SHISA9: variants seen among roughly 807,000 people sequenced by gnomAD.
SHISA9 encodes the protein shisa family member 9.
Under a neutral mutation model 38.0 loss-of-function variants are expected in SHISA9, and 13 were observed. The ratio of observed to expected loss-of-function variants is 0.34; its 90% CI spans 0.22 to 0.54. The LOEUF (loss-of-function observed/expected upper bound fraction) is 0.54, where lower values mean the gene tolerates loss of function less well. Among genes scored for constraint, SHISA9 ranks in the 20% least tolerant of loss-of-function variants. The pLI, the probability that SHISA9 is intolerant of heterozygous loss-of-function variation, is 0.91. For synonymous variants in SHISA9, 275 were observed against 242.0 expected (o/e 1.14, Z -1.27); for missense variants, 538 against 575.8 (o/e 0.93, Z 0.67).
the SHISA9 span, among the ~76,000 whole-genome samples, chr16:13,488,992 C>A: frequency 6.6e-6 from 1 of 152,142 alleles, no homozygotes; most frequent in African/African-American, 2.4e-5. Flanking sequence ...CCAGGATGGT[C>A]TCGGTCTCCT....
chr16:13,226,484 C>T (rs1262362388), intron 4 of SHISA9, among the ~76,000 whole-genome samples: 1 of 152,208 alleles, frequency 6.6e-6, no homozygotes, highest in African/African-American at 2.4e-5. Flanking sequence ...CCTTCTTCAT[C>T]TATAACTCAG....
At chr16:12,979,453 C>T (rs901308789) in intron 2 of SHISA9, among the ~76,000 whole-genome samples, 5 of 152,038 alleles carry the variant, frequency 3.3e-5, no homozygotes, top group Admixed American at 6.6e-5. Context: ...ATGTGATAAG[C>T]GCCTGTGAGC....
At chr16:13,138,749 C>T (rs1596674763) in intron 2 of SHISA9, among the ~76,000 whole-genome samples, 1 of 152,206 alleles carries the variant, frequency 6.6e-6, no homozygotes, top group East Asian at 1.9e-4. Context: ...AATTGCTGCC[C>T]TATGAGTCAT....
At chr16:13,030,116 G>T (rs1282151832) in intron 2 of SHISA9, among the ~76,000 whole-genome samples, 1 of 152,182 alleles carries the variant, frequency 6.6e-6, no homozygotes, top group Non-Finnish European at 1.5e-5. Context: ...AATTTTGAAT[G>T]ACTTTTAAAA....
chr16:13,325,984 G>C, the SHISA9 span, among the ~76,000 whole-genome samples: 5 of 150,468 alleles, frequency 3.3e-5, no homozygotes, highest in Non-Finnish European at 7.4e-5. Flanking sequence ...GGGTCGATGG[G>C]TGCAGCAAAC....
At chr16:13,216,835 A>G (rs2051173805) in intron 4 of SHISA9, among the ~76,000 whole-genome samples, 5 of 152,184 alleles carry the variant, frequency 3.3e-5, no homozygotes, top group Admixed American at 6.5e-5. Flanking sequence ...ACATCATGCT[A>G]GTTGGTACGA....
chr16:13,105,964 C>T (rs558841547), intron 2 of SHISA9, among the ~76,000 whole-genome samples: 2 of 152,334 alleles, frequency 1.3e-5, no homozygotes, highest in African/African-American at 4.8e-5. Context: ...GGGTTGACTT[C>T]TCCATGTGCC....
chr16:13,009,443 G>T (rs1180947342), intron 2 of SHISA9, among the ~76,000 whole-genome samples: 1 of 152,122 alleles, frequency 6.6e-6, no homozygotes, highest in Non-Finnish European at 1.5e-5. Context: ...TGATTTTCAG[G>T]AAGGTCTCCG....
At chr16:13,059,220 C>T (rs1294113915) in intron 2 of SHISA9, among the ~76,000 whole-genome samples, 2 of 148,966 alleles carry the variant, frequency 1.3e-5, no homozygotes, top group Admixed American at 6.8e-5. Flanking sequence ...CTCCCCCTCC[C>T]GGGTTCATGC....
chr16:13,258,058 A>T, the SHISA9 span, among the ~76,000 whole-genome samples: 1 of 152,164 alleles, frequency 6.6e-6, no homozygotes, highest in South Asian at 2.1e-4. Context: ...TTAGCTAGAA[A>T]ATCTTAGCAT....
At chr16:13,487,329 G>C in the SHISA9 span, among the ~76,000 whole-genome samples, 1 of 152,164 alleles carries the variant, frequency 6.6e-6, no homozygotes, top group Non-Finnish European at 1.5e-5. Context: ...GCTTTAATTG[G>C]CTCACAGTTC....
At chr16:12,994,155 T>C (rs924959047) in intron 2 of SHISA9, among the ~76,000 whole-genome samples, 3 of 152,146 alleles carry the variant, frequency 2.0e-5, no homozygotes, top group African/African-American at 7.2e-5. Context: ...GAAAAGGTCA[T>C]GTTGGCTGCT....
the SHISA9 span, among the ~76,000 whole-genome samples, chr16:13,467,265 G>T: frequency 2.9e-4 from 44 of 152,310 alleles, 2 homozygotes; most frequent in South Asian, 9.1e-3. Flanking sequence ...TGGGGGCCCA[G>T]TTGGGACAAC....
At chr16:13,181,284 T>C (rs1296150580) in intron 2 of SHISA9, among the ~76,000 whole-genome samples, 1 of 116,350 alleles carries the variant, frequency 8.6e-6, no homozygotes, top group African/African-American at 3.2e-5. Flanking sequence ...TATATATATA[T>C]ATATATATAT....
chr16:13,434,419 G>GTTTTTTTTTTGTTTTTTTTTT, the SHISA9 span, among the ~76,000 whole-genome samples: 1 of 64,564 alleles, frequency 1.5e-5, no homozygotes, highest in Non-Finnish European at 3.2e-5. Flanking sequence ...GACAAGCTAT[G>GTTTTTTTTTTGTTTTTTTTTT]TTTTTTTTTT....
chr16:13,250,641 C>CTTATATATATA, the SHISA9 span, among the ~76,000 whole-genome samples: 2 of 152,114 alleles, frequency 1.3e-5, no homozygotes, highest in Admixed American at 6.6e-5. Context: ...CTGGGAATGG[C>CTTATATATATA]ACCCACCAGG....
chr16:12,967,429 G>A (rs906087224), intron 2 of SHISA9, among the ~76,000 whole-genome samples: 1 of 152,062 alleles, frequency 6.6e-6, no homozygotes, highest in Non-Finnish European at 1.5e-5. Context: ...GGAGCGGGGA[G>A]GGATAGCATT....
intron 2 of SHISA9, among the ~76,000 whole-genome samples, chr16:13,079,320 G>T (rs944076798): frequency 6.6e-6 from 1 of 152,182 alleles, no homozygotes; most frequent in African/African-American, 2.4e-5. Flanking sequence ...TCTACTTCCT[G>T]TGTTCTTATG....
chr16:13,045,778 G>T (rs9929610), intron 2 of SHISA9, among the ~76,000 whole-genome samples: 81,207 of 151,778 alleles, frequency 0.54, 22,499 homozygotes, highest in Middle Eastern at 0.63. Context: ...CCCCCAGGGG[G>T]AGTCTGCACT....
Sources: allele counts gnomAD v4.1 joint callset (sites outside exome capture counted in the v4.1 genomes callset), GRCh38; gene constraint gnomAD v4.1.1; transcripts MANE v1.5; gene names NCBI Gene and HGNC (gene_info 2026-07-23, HGNC 2026-07-21).